The following SEPTIN3 variants were observed in gnomAD, a reference collection of about 807,000 sequenced individuals.
The protein encoded by SEPTIN3 is neuronal-specific septin-3.
In SEPTIN3, 15 loss-of-function variants were observed where a neutral mutation model predicts 45.1. That is an observed-to-expected ratio of 0.33 (90% CI 0.22 to 0.51). The LOEUF (loss-of-function observed/expected upper bound fraction) is 0.51, where lower values mean the gene tolerates loss of function less well. Among genes scored for constraint, SEPTIN3 ranks in the 20% least tolerant of loss-of-function variants. SEPTIN3 has a pLI of 0.97. For synonymous variants in SEPTIN3, 148 were observed against 164.8 expected (o/e 0.90, Z 0.78); for missense variants, 289 against 457.2 (o/e 0.63, Z 3.35).
chr22:41,969,787 G>C (rs1185424675), intron 1 of SEPTIN3, 110 bp downstream of exon 1: 1 of 152,202 alleles, frequency 6.6e-6, no homozygotes, highest in Non-Finnish European at 1.5e-5. Flanking sequence ...GTGCAGTGAG[G>C]GGATGGGGAG....
At position 41,981,626 on chromosome 22, in the gene SEPTIN3, T is replaced by G; in HGVS notation, c.1505-19T>G. On this transcript the variant is annotated intron_variant, in intron 2 of 11. Coordinates refer to ENST00000644076, the MANE Select transcript of SEPTIN3 (RefSeq NM_001363845.2). ...TCCTCCTGATCACCCCTCCGACCCCTCCCACCTTGGCTCTGCAGGGCTCCC... is the reference window on the plus strand; with the variant it reads ...TCCTCCTGATCACCCCTCCGACCCCGCCCACCTTGGCTCTGCAGGGCTCCC... 6.2e-7 allele frequency: 1 copy of G among 1,600,324 alleles called. No homozygotes were observed. Among genetic ancestry groups the G allele is most frequent in the South Asian group, 1.1e-5 (1 of 90,272 alleles).
intron 2 of SEPTIN3, among the ~76,000 whole-genome samples, chr22:41,978,893 TGGAGGAGGAGGAGGA>T (rs71184852): frequency 4.2e-5 from 5 of 120,318 alleles, no homozygotes; most frequent in African/African-American, 1.2e-4. Flanking sequence ...GGCTGAATGC[TGGAGGAGGAGGAGGA>T]GGAGGAGGAG....
At chr22:41,985,312 T>G (rs889101257) in intron 3 of SEPTIN3, among the ~76,000 whole-genome samples, 5 of 152,246 alleles carry the variant, frequency 3.3e-5, no homozygotes, top group African/African-American at 1.2e-4. Flanking sequence ...CCTCTCACAG[T>G]GCCCTCTCTG....
In SEPTIN3 at chr22:41,985,978, CTG is replaced by C. The variant is rs778621476; in HGVS notation, c.1697-4_1697-3del. On this transcript the variant is annotated splice_polypyrimidine_tract_variant and splice_region_variant and intron_variant, in intron 3 of 11. Transcript: ENST00000644076. ...CTCCCTACCTCCTCCTCCTGCTTTG[CTG>C]TAGGCCAGAGTGGACTGGGCAAATC... is the stretch of plus-strand genomic sequence containing the variant. 6.2e-7 allele frequency: 1 copy of C among 1,603,710 alleles called. No homozygotes were observed. Among genetic ancestry groups the C allele is most frequent in the Admixed American group, 1.7e-5 (1 of 58,252 alleles).
At chr22:41,989,745 C>T in intron 7 of SEPTIN3, 61 bp downstream of exon 7, 1 of 1,104,140 alleles carries the variant, frequency 9.1e-7, no homozygotes, top group South Asian at 1.3e-5. Context: ...CCGCTGGGTT[C>T]AGGCCATCTC....
Position 41,987,302 on chromosome 22 carries a change from C to G in SEPTIN3, c.1907+15C>G. On this transcript the variant is annotated intron_variant, in intron 5 of 11. Coordinates refer to ENST00000644076, the MANE Select transcript of SEPTIN3 (RefSeq NM_001363845.2). ...AATGAAAACTGGTATCTGTCTGCCT[C>G]TGAGATCTTTGCCCTAAAGACTCTG... is the stretch of plus-strand genomic sequence containing the variant. The G allele has an allele frequency of 6.2e-7, 1 of 1,604,488 alleles. No individual in the cohort carries two copies. Among genetic ancestry groups the G allele is most frequent in the Non-Finnish European group, 8.5e-7 (1 of 1,173,384 alleles).
intron 2 of SEPTIN3, among the ~76,000 whole-genome samples, chr22:41,974,329 GGGA>G (rs910176069): frequency 6.6e-6 from 1 of 151,996 alleles, no homozygotes; most frequent in Non-Finnish European, 1.5e-5. Context: ...CCAGCACTCT[GGGA>G]GGCTAAGGCG....
intron 3 of SEPTIN3, among the ~76,000 whole-genome samples, chr22:41,985,228 A>G (rs1421165709): frequency 1.3e-5 from 2 of 152,204 alleles, no homozygotes; most frequent in Non-Finnish European, 2.9e-5. Flanking sequence ...GCAGATATGC[A>G]TCTGGAAAAC....
chr22:41,973,035 CGGGAGG>C (rs1220254886), intron 2 of SEPTIN3, 39 bp downstream of exon 2: 1 of 398,428 alleles, frequency 2.5e-6, no homozygotes, highest in Non-Finnish European at 4.4e-6. Context: ...ACTAGGCTGC[CGGGAGG>C]GGGAGGTGTG....
chr22:41,971,425 C>T, intron 1 of SEPTIN3, 49 bp from the exon 2 acceptor site: 1 of 398,708 alleles, frequency 2.5e-6, no homozygotes, highest in Non-Finnish European at 4.4e-6. Context: ...ACCTCCAGGC[C>T]TGAGCTCCTC....
At chr22:41,979,781 C>T (rs530255029) in intron 2 of SEPTIN3, among the ~76,000 whole-genome samples, 2 of 152,150 alleles carry the variant, frequency 1.3e-5, no homozygotes, top group South Asian at 2.1e-4. Context: ...TTACCAGTAC[C>T]GGTGGAAGGA....
chr22:41,981,929 C>T (rs957969969), intron 3 of SEPTIN3, 93 bp downstream of exon 3: 110 of 1,093,962 alleles, frequency 1.0e-4, no homozygotes, highest in African/African-American at 2.0e-4. Context: ...CCTGGCTCTT[C>T]TAAGATGAGC....
intron 2 of SEPTIN3, among the ~76,000 whole-genome samples, chr22:41,975,495 C>A (rs190373563): frequency 7.9e-5 from 12 of 152,280 alleles, no homozygotes; most frequent in Admixed American, 7.8e-4. Context: ...CATCTGCAGC[C>A]CAGCCCTGTC....
Position 41,989,681 on chromosome 22 carries a change from A to G in SEPTIN3, c.2160A>G (p.Gln720=). The G allele has an allele frequency of 6.3e-7, 1 of 1,577,008 alleles. No individual in the cohort carries two copies. Among genetic ancestry groups the G allele is most frequent in the Non-Finnish European group, 8.7e-7 (1 of 1,146,312 alleles). ...TGGAGGAGAAGTCTGAATTCAAGCA[A>G]AGGGTGAGAAGGCCCCCTGTCTTCT... ...MTLEEKSEFK[Q]RVRKELEVNG... The change falls in exon 7 of 12, where the codon CAA becomes CAG. Residue 720 remains glutamine (Q), a synonymous_variant. Coordinates refer to ENST00000644076, the MANE Select transcript of SEPTIN3 (RefSeq NM_001363845.2).
At chr22:41,995,264 GGGGGTAAGGCT>G in intron 11 of SEPTIN3, 1 of 991,896 alleles carries the variant, frequency 1.0e-6, no homozygotes, top group East Asian at 1.1e-4. Context: ...GGGGTGGTCT[GGGGGTAAGGCT>G]GGGGCTTCCT....
At chr22:41,975,202 A>C (rs1216314886) in intron 2 of SEPTIN3, among the ~76,000 whole-genome samples, 1 of 152,188 alleles carries the variant, frequency 6.6e-6, no homozygotes, top group Non-Finnish European at 1.5e-5. Context: ...ATTTGGTCTT[A>C]GAAAGCCTGT....
intron 2 of SEPTIN3, among the ~76,000 whole-genome samples, chr22:41,980,416 G>A (rs1478291182): frequency 6.6e-6 from 1 of 152,128 alleles, no homozygotes; most frequent in African/African-American, 2.4e-5. Context: ...GATTACAGGC[G>A]TGAGCCACCG....
At chr22:41,985,852 C>T (rs1042404937) in intron 3 of SEPTIN3, 132 bp from the exon 4 acceptor site, 17 of 1,140,894 alleles carry the variant, frequency 1.5e-5, no homozygotes, top group Non-Finnish European at 1.9e-5. Flanking sequence ...TCAGCCTGGC[C>T]ATCCCCCAGT....
At chr22:41,984,845 CTTTTTTTTTTTTT>C (rs11380985) in intron 3 of SEPTIN3, among the ~76,000 whole-genome samples, 59 of 100,668 alleles carry the variant, frequency 5.9e-4, no homozygotes, top group Admixed American at 9.6e-4. Flanking sequence ...GTGGTTTTCC[CTTTTTTTTTTTTT>C]TTTTTTTTTT....
Sources: allele counts gnomAD v4.1 joint callset (sites outside exome capture counted in the v4.1 genomes callset), GRCh38; gene constraint gnomAD v4.1.1; transcripts MANE v1.5; gene names NCBI Gene and HGNC (gene_info 2026-07-23, HGNC 2026-07-21).